RGS12: variants seen among roughly 807,000 people sequenced by gnomAD.
RGS12 encodes regulator of G protein signaling 12.
A neutral mutation model predicts 120.1 loss-of-function variants in RGS12; 66 were observed. That is an observed-to-expected ratio of 0.55 (90% CI 0.45 to 0.67). The LOEUF (loss-of-function observed/expected upper bound fraction) is 0.67, where lower values mean the gene tolerates loss of function less well. Ranked by LOEUF, RGS12 falls within the 30% of genes least tolerant of loss-of-function variation. RGS12 has a pLI of 0.00. For synonymous variants in RGS12, 827 were observed against 804.7 expected, an observed-to-expected ratio of 1.03 and a Z score of -0.47; for missense variants, 1,859 against 1,957.7, an observed-to-expected ratio of 0.95 and a Z score of 0.95.
intron 13 of RGS12, 107 bp from the exon 14 acceptor site, chr4:3,425,357 G>T: frequency 3.0e-6 from 3 of 990,450 alleles, no homozygotes; most frequent in Non-Finnish European, 4.8e-6. Context: ...CATCTCCTGC[G>T]TGACTCCATC....
At chr4:3,397,928 A>C (rs2109021185) in intron 4 of RGS12, among the ~76,000 whole-genome samples, 1 of 152,356 alleles carries the variant, frequency 6.6e-6, no homozygotes, top group African/African-American at 2.4e-5. Flanking sequence ...AATTAAGAGT[A>C]TGGCCTCTGG....
chr4:3,336,529 T>C (rs1373836343), intron 2 of RGS12, among the ~76,000 whole-genome samples: 3 of 152,328 alleles, frequency 2.0e-5, no homozygotes, highest in South Asian at 2.1e-4. Context: ...GTGTACAGTC[T>C]ATTTGTTCAG....
intron 4 of RGS12, among the ~76,000 whole-genome samples, chr4:3,405,316 AG>A (rs1273136684): frequency 2.0e-5 from 3 of 152,262 alleles, no homozygotes; most frequent in Non-Finnish European, 4.4e-5. Flanking sequence ...CCCACCCTGC[AG>A]TAAACTGACA....
chr4:3,310,883 G>C (rs901498699), intron 1 of RGS12, among the ~76,000 whole-genome samples: 5 of 152,180 alleles, frequency 3.3e-5, no homozygotes, highest in African/African-American at 1.2e-4. Context: ...GTGTGGGTAA[G>C]CCAAGAATAG....
chr4:3,403,125 C>T (rs1303395161), intron 4 of RGS12, among the ~76,000 whole-genome samples: 1 of 152,242 alleles, frequency 6.6e-6, no homozygotes, highest in African/African-American at 2.4e-5. Context: ...GGCAGCATTT[C>T]ACCCCCGCCT....
chr4:3,301,196 G>T (rs1231209339), intron 1 of RGS12, among the ~76,000 whole-genome samples: 1 of 152,102 alleles, frequency 6.6e-6, no homozygotes, highest in Non-Finnish European at 1.5e-5. Flanking sequence ...GTCTGTCCCG[G>T]CTGCCCTCCT....
intron 3 of RGS12, chr4:3,370,200 A>G (rs1394780346): frequency 6.3e-7 from 1 of 1,585,898 alleles, no homozygotes; most frequent in South Asian, 1.1e-5. Context: ...CTTTTCTCAC[A>G]CGCACAAGCT....
intron 3 of RGS12, among the ~76,000 whole-genome samples, chr4:3,358,522 A>G (rs1259114397): frequency 6.6e-6 from 1 of 151,558 alleles, no homozygotes; most frequent in Non-Finnish European, 1.5e-5. Flanking sequence ...TGGTTTACTG[A>G]GTGTTTTTTT....
intron 4 of RGS12, among the ~76,000 whole-genome samples, chr4:3,405,994 G>A (rs2109056997): frequency 6.6e-6 from 1 of 152,222 alleles, no homozygotes; most frequent in East Asian, 1.9e-4. Flanking sequence ...GTGGCATCTC[G>A]GTGCTCGTAT....
chr4:3,367,482 G>A (rs751670879), intron 3 of RGS12, among the ~76,000 whole-genome samples: 7 of 152,274 alleles, frequency 4.6e-5, no homozygotes, highest in Non-Finnish European at 8.8e-5. Context: ...GTCTGAACCC[G>A]ACTCCCACCA....
rs1435458366 is a variant in RGS12, at chr4:3,417,461, A to T, written c.2681A>T (p.Lys894Ile). 20 of 1,612,810 alleles carry T rather than the reference A, an allele frequency of 1.2e-5. No homozygotes were observed. The highest frequency in any genetic ancestry group is 1.5e-5 in the Non-Finnish European group (18 of 1,179,432). Residue 894 changes from lysine (K) to isoleucine (I), a missense_variant, in exon 9 of 18, where the codon AAA becomes ATA. Physicochemically the swap from Lys to Ile is moderately radical, Grantham distance 102 (BLOSUM62 -3). Transcript: ENST00000336727. ...LGDEDSEKKR[K>I]GAFFSWSRTR... ...GATGAGGACAGCGAGAAGAAGCGGA[A>T]AGGCGCGTTTTTCTCGTGGTCGCGG...
chr4:3,342,830 G>C (rs1010013461), intron 2 of RGS12, 107 bp from the exon 3 acceptor site: 1 of 806,184 alleles, frequency 1.2e-6, no homozygotes, highest in African/African-American at 1.7e-5. Flanking sequence ...TTTTTAAAAA[G>C]TCTTTGTTCC....
chr4:3,367,067 C>G (rs1034518904), intron 3 of RGS12, among the ~76,000 whole-genome samples: 7 of 152,210 alleles, frequency 4.6e-5, no homozygotes, highest in African/African-American at 1.7e-4. Context: ...GCCCTGCCCC[C>G]CTGCTCACCC....
intron 4 of RGS12, among the ~76,000 whole-genome samples, chr4:3,402,819 C>G (rs879690352): frequency 5.9e-5 from 9 of 152,262 alleles, no homozygotes; most frequent in Non-Finnish European, 1.2e-4. Context: ...AGGAATTAAC[C>G]ACTAAATGAG....
At chr4:3,377,013 C>CTT (rs772104697) in intron 3 of RGS12, among the ~76,000 whole-genome samples, 7 of 139,968 alleles carry the variant, frequency 5.0e-5, no homozygotes, top group Non-Finnish European at 3.2e-5. Context: ...TTGTTAAATT[C>CTT]TTTTTTTTTT....
At chr4:3,342,634 C>T in intron 2 of RGS12, 2 of 1,283,080 alleles carry the variant, frequency 1.6e-6, no homozygotes, top group Non-Finnish European at 2.1e-6. Context: ...ATCTGGGTAA[C>T]AGCCTTGTGG....
intron 2 of RGS12, among the ~76,000 whole-genome samples, chr4:3,339,327 C>T (rs1004004365): frequency 1.3e-5 from 2 of 152,138 alleles, no homozygotes; most frequent in Non-Finnish European, 2.9e-5. Flanking sequence ...ACAAAAAATA[C>T]AAACATTAGC....
intron 3 of RGS12, among the ~76,000 whole-genome samples, chr4:3,375,210 A>G (rs556388937): frequency 1.8e-4 from 27 of 152,156 alleles, no homozygotes; most frequent in Middle Eastern, 3.4e-3. Flanking sequence ...TCATATGAGG[A>G]AACGTTTCCC....
intron 4 of RGS12, among the ~76,000 whole-genome samples, chr4:3,401,729 A>G (rs541328709): frequency 6.6e-6 from 1 of 152,356 alleles, no homozygotes; most frequent in East Asian, 1.9e-4. Flanking sequence ...TCCACCTCCT[A>G]GAATACAGCT....
Sources: allele counts gnomAD v4.1 joint callset (sites outside exome capture counted in the v4.1 genomes callset), GRCh38; gene constraint gnomAD v4.1.1; transcripts MANE v1.5; gene names NCBI Gene and HGNC (gene_info 2026-07-23, HGNC 2026-07-21).